Variants in FAM13B observed in about 807,000 individuals in gnomAD.
The protein encoded by FAM13B is family with sequence similarity 13 member B, also known as protein FAM13B.
A neutral mutation model predicts 117.3 loss-of-function variants in FAM13B; 60 were observed. The ratio of observed to expected loss-of-function variants is 0.51; its 90% CI spans 0.42 to 0.63. The LOEUF is 0.63. Among genes scored for constraint, FAM13B ranks in the 30% least tolerant of loss-of-function variants. The pLI, the probability that FAM13B is intolerant of heterozygous loss-of-function variation, is 0.00. For synonymous variants in FAM13B, 332 were observed against 356.1 expected (o/e 0.93, Z 0.76); for missense variants, 972 against 1,091.9 (o/e 0.89, Z 1.55).
At chr5:137,942,809 A>G in intron 22 of FAM13B, 66 bp downstream of exon 22, 1 of 1,415,826 alleles carries the variant, frequency 7.1e-7, no homozygotes, top group African/African-American at 1.4e-5. Flanking sequence ...CTCATTTAAC[A>G]TCAAATTTCT....
At chr5:137,993,797 A>C (rs2150683670) in intron 7 of FAM13B, among the ~76,000 whole-genome samples, 1 of 152,166 alleles carries the variant, frequency 6.6e-6, no homozygotes, top group African/African-American at 2.4e-5. Context: ...AAAATAAATA[A>C]ATAAATAGAA....
chr5:137,979,199 G>A (rs1341115920), intron 10 of FAM13B, among the ~76,000 whole-genome samples: 3 of 152,060 alleles, frequency 2.0e-5, no homozygotes, highest in Non-Finnish European at 2.9e-5. Context: ...TTTTAGTAGA[G>A]ATGCGTTTTC....
intron 1 of FAM13B, among the ~76,000 whole-genome samples, chr5:138,022,528 C>T (rs1269647147): frequency 6.6e-6 from 1 of 152,094 alleles, no homozygotes; most frequent in Non-Finnish European, 1.5e-5. Context: ...AACCACATTC[C>T]CATAACAAAT....
rs1393521109 is a variant in FAM13B, at chr5:137,998,825, G to T, written c.848+8165C>A. Among the ~76,000 whole-genome samples, 3 of 152,292 alleles carry T rather than the reference G, an allele frequency of 2.0e-5. No individual in the cohort carries two copies. The East Asian group carries it at 5.8e-4, about 29-fold the overall frequency. On this transcript the variant is annotated intron_variant, in intron 7 of 23. Transcript: ENST00000689681. ...TATACCATATCCCATCCCCATCATG[G>T]TCCTCTTCCCTGGGTCACCGGGGCA...
intron 1 of FAM13B, among the ~76,000 whole-genome samples, chr5:138,027,704 T>C (rs968036622): frequency 6.6e-6 from 1 of 152,240 alleles, no homozygotes; most frequent in Non-Finnish European, 1.5e-5. Context: ...GCTACTTTGA[T>C]CAGTGATACG....
chr5:137,944,005 C>G (rs1561727270), intron 20 of FAM13B, among the ~76,000 whole-genome samples: 2 of 152,160 alleles, frequency 1.3e-5, no homozygotes, highest in Non-Finnish European at 2.9e-5. Flanking sequence ...AAACTCTGTG[C>G]CCATTAGCTG....
chr5:137,960,191 C>A lies in FAM13B; in HGVS notation c.1268G>T (p.Ser423Ile). 6.5e-7 allele frequency: 1 copy of A among 1,532,062 alleles called. No individual in the cohort carries two copies. Among genetic ancestry groups the A allele is most frequent in the East Asian group, 2.3e-5 (1 of 43,656 alleles). 94.9% of individuals were successfully genotyped at this position (1,532,062 alleles called of 1,614,324 possible). ...CAGAATCAAGTGTGACAATTTATCA[C>A]TGTCAAATAACAAATATTCTTCCCT... ...LEREEYLLFD[S>I]DKLSHLILDS... Residue 423 changes from serine (S) to isoleucine (I), a missense_variant, in exon 12 of 24, where the codon AGT becomes ATT. Physicochemically the swap from Ser to Ile is moderately radical, Grantham distance 142 (BLOSUM62 -2). Transcript: ENST00000689681.
chr5:138,035,203 G>T (rs1049698269), upstream of FAM13B, among the ~76,000 whole-genome samples: 5 of 151,142 alleles, frequency 3.3e-5, no homozygotes, highest in Middle Eastern at 3.4e-3. Flanking sequence ...TTAGAGATGG[G>T]TTTCCCTATG....
intron 1 of FAM13B, among the ~76,000 whole-genome samples, chr5:138,051,538 G>T (rs565898526): frequency 5.3e-4 from 81 of 152,170 alleles, no homozygotes; most frequent in Non-Finnish European, 9.8e-4. Context: ...TCACAAGTGC[G>T]GTTGAGTGTT....
chr5:137,960,071 A>C, intron 12 of FAM13B, 95 bp downstream of exon 12: 6 of 799,644 alleles, frequency 7.5e-6, no homozygotes, highest in Non-Finnish European at 8.2e-6. Context: ...TTTATATTTA[A>C]ATCTTTAAAC....
rs778429417 is a variant in FAM13B at position 137,956,515 on chromosome 5, A to T, written c.1469T>A (p.Ile490Asn). The stretch of plus-strand genomic sequence containing the variant: ...CTGCAGATGCATTGTTTTGAAATCA[A>T]TGAGGGGAAAAGTGATAGGGCATGA... ...EASCPITFPL[I>N]DFKTMHLQRD... Residue 490 changes from isoleucine to asparagine, a missense_variant, in exon 14 of 24, where the codon ATT becomes AAT. By Grantham distance (149) the Ile-to-Asn change is moderately radical. Transcript: ENST00000689681. 6.2e-7 allele frequency: 1 copy of T among 1,601,120 alleles called. No homozygotes were observed. Among genetic ancestry groups the T allele is most frequent in the African/African-American group, 1.3e-5 (1 of 74,886 alleles).
chr5:137,962,981 C>A (rs762283331), intron 10 of FAM13B, among the ~76,000 whole-genome samples: 2 of 152,114 alleles, frequency 1.3e-5, no homozygotes, highest in Non-Finnish European at 2.9e-5. Context: ...CCTATTCCCC[C>A]CCAAACTAAA....
intron 4 of FAM13B, 122 bp from the exon 5 acceptor site, chr5:138,012,067 C>T (rs1380350571): frequency 4.8e-6 from 3 of 629,826 alleles, no homozygotes; most frequent in African/African-American, 3.9e-5. Context: ...AACCTCTTCA[C>T]TTCCTCTACT....
chr5:137,967,297 G>A (rs1453860668), intron 10 of FAM13B, among the ~76,000 whole-genome samples: 1 of 152,122 alleles, frequency 6.6e-6, no homozygotes, highest in Admixed American at 6.5e-5. Context: ...AGGCCGAGGT[G>A]GGTGGATCAC....
intron 16 of FAM13B, 82 bp downstream of exon 16, chr5:137,953,254 A>C (rs1765533953): frequency 1.4e-6 from 2 of 1,477,042 alleles, no homozygotes; most frequent in Admixed American, 3.6e-5. Flanking sequence ...TCTCACACAG[A>C]TCTAAACTAA....
intron 7 of FAM13B, among the ~76,000 whole-genome samples, chr5:137,995,637 A>G (rs1329235692): frequency 2.6e-5 from 4 of 152,340 alleles, no homozygotes; most frequent in African/African-American, 9.6e-5. Context: ...CTTTAAAACC[A>G]AAAGCAAAAA....
In FAM13B at chr5:137,942,943, A is replaced by T; in HGVS notation, c.2520T>A (p.Ser840=). 6.2e-7 allele frequency: 1 copy of T among 1,613,740 alleles called. No homozygotes were observed. The highest frequency in any genetic ancestry group is 8.5e-7 in the Non-Finnish European group (1 of 1,179,928). The change falls in exon 22 of 24, where the codon TCT becomes TCA. Residue 840 remains serine, a synonymous_variant. Coordinates refer to ENST00000689681, the MANE Select transcript of FAM13B (RefSeq NM_001385994.1). The part of the protein sequence containing the change: ...QVQSSLENSE[S]DVEENQEKLA... The stretch of plus-strand genomic sequence containing the variant: ...GTTTTTCTTGATTTTCTTCAACATC[A>T]GATTCAGAGTTTTCTAATGAAGACT...
intron 10 of FAM13B, among the ~76,000 whole-genome samples, chr5:137,970,634 C>T (rs529299011): frequency 2.6e-5 from 4 of 152,108 alleles, no homozygotes; most frequent in Non-Finnish European, 1.5e-5. Context: ...TGTAAATGGG[C>T]TAAATGCTCC....
rs35163730 is a variant in FAM13B at position 138,010,957 on chromosome 5, TAA to T, written c.690+49_690+50del. Reference sequence around the variant, plus strand: ...CAAGTCTTTAAGAGCATATTATTCTTAAAAAAAAAAAAAAAAAAAAAAATTAT... The same window carrying T: ...CAAGTCTTTAAGAGCATATTATTCTTAAAAAAAAAAAAAAAAAAAAATTAT... On this transcript the variant is annotated intron_variant, in intron 6 of 23. Coordinates refer to ENST00000689681, the MANE Select transcript of FAM13B (RefSeq NM_001385994.1). 9.7e-3 allele frequency: 10,403 copies of T among 1,072,976 alleles called. 24 individuals carry two copies. The highest frequency in any genetic ancestry group is 0.045 in the African/African-American group (2,311 of 51,186). 66.5% of individuals were successfully genotyped at this position (1,072,976 alleles called of 1,614,324 possible).
Sources: allele counts gnomAD v4.1 joint callset (sites outside exome capture counted in the v4.1 genomes callset), GRCh38; gene constraint gnomAD v4.1.1; transcripts MANE v1.5; gene names NCBI Gene and HGNC (gene_info 2026-07-23, HGNC 2026-07-21).